The following USH2A variants were observed in gnomAD, a reference collection of about 807,000 sequenced individuals.
USH2A encodes usherin, also known as Usher syndrome 2A (autosomal recessive, mild).
USH2A carries 443 observed loss-of-function variants against 538.9 expected under a neutral mutation model. The ratio of observed to expected loss-of-function variants is 0.82; its 90% CI spans 0.76 to 0.89. The LOEUF (loss-of-function observed/expected upper bound fraction) is 0.89. USH2A is among the 40% of genes least tolerant of loss of function. USH2A has a pLI of 0.00. For missense variants in USH2A, 6,633 were observed against 6,324.8 expected, an observed-to-expected ratio of 1.05 and a Z score of -1.65; for synonymous variants, 2,413 against 2,273.5, an observed-to-expected ratio of 1.06 and a Z score of -1.75.
chr1:215,899,941 G>A, intron 40 of USH2A, 134 bp downstream of exon 40: 2 of 1,299,432 alleles, frequency 1.5e-6, no homozygotes, highest in Non-Finnish European at 2.2e-6. Context: ...TCACTCTCTT[G>A]CCCTAGAAAA....
intron 71 of USH2A, among the ~76,000 whole-genome samples, chr1:215,628,406 C>G (rs570287280): frequency 5.3e-5 from 8 of 152,190 alleles, no homozygotes; most frequent in Non-Finnish European, 1.0e-4. Context: ...CCTCAGCCCC[C>G]CTAGTAGCTG....
At chr1:216,296,866 A>G (rs960349288) in intron 9 of USH2A, among the ~76,000 whole-genome samples, 7 of 152,128 alleles carry the variant, frequency 4.6e-5, no homozygotes, top group African/African-American at 1.7e-4. Context: ...TCATAAAATC[A>G]AAAGTTAGAG....
At position 216,405,491 on chromosome 1, in the gene USH2A, T is replaced by C. The variant is rs1571787437; in HGVS notation, c.651+13023A>G. ...AAAATAAAACCACAGTGATATATTA[T>C]CTATCAGAATGGCTAAAATGTTATT... is the stretch of plus-strand genomic sequence containing the variant. On this transcript the variant is annotated intron_variant, in intron 3 of 71. Coordinates refer to ENST00000307340, the MANE Select transcript of USH2A (RefSeq NM_206933.4). Among the ~76,000 whole-genome samples the C allele has an allele frequency of 2.0e-5, 3 of 152,310 alleles. No individual in the cohort carries two copies. The East Asian group carries it at 5.8e-4, about 29-fold the overall frequency.
chr1:216,033,160 T>G (rs1287393756), intron 32 of USH2A, among the ~76,000 whole-genome samples: 1 of 152,202 alleles, frequency 6.6e-6, no homozygotes, highest in Admixed American at 6.5e-5. Context: ...TGAATCTGCA[T>G]CTGCCTGCAT....
chr1:216,325,142 T>TGGG (rs2037703390), intron 6 of USH2A, among the ~76,000 whole-genome samples, 163 bp downstream of exon 6: 1 of 152,182 alleles, frequency 6.6e-6, no homozygotes, highest in Non-Finnish European at 1.5e-5. Flanking sequence ...GATCCTCCTC[T>TGGG]GGAATCTTTA....
chr1:215,711,063 G>A (rs1236518653), intron 61 of USH2A, among the ~76,000 whole-genome samples: 2 of 152,004 alleles, frequency 1.3e-5, no homozygotes, highest in African/African-American at 4.8e-5. Flanking sequence ...TGCAATAAGA[G>A]AGATAATGTT....
chr1:215,869,055 C>T (rs1017482805), intron 43 of USH2A, among the ~76,000 whole-genome samples: 3 of 152,168 alleles, frequency 2.0e-5, no homozygotes, highest in African/African-American at 4.8e-5. Context: ...ATCCAGACAA[C>T]TAAAAAATAA....
Position 216,246,749 on chromosome 1 carries a change from C to T in USH2A, c.2645G>A (p.Cys882Tyr). The T allele has an allele frequency of 6.2e-7, 1 of 1,614,114 alleles. No homozygotes were observed. Among genetic ancestry groups the T allele is most frequent in the Non-Finnish European group, 8.5e-7 (1 of 1,179,984 alleles). The change falls in exon 13 of 72, where the codon TGT becomes TAT. Residue 882 changes from cysteine to tyrosine, a missense_variant. Transcript: ENST00000307340. ...LGVTGLRCNQCEPHRYNLTID... is the reference protein window; with the variant it reads ...LGVTGLRCNQYEPHRYNLTID... ...GGTCAAATTGTACCTGTGAGGCTCA[C>T]ACTGATTACAGCGAAGACCTGTTAC...
intron 4 of USH2A, among the ~76,000 whole-genome samples, chr1:216,350,619 G>A (rs1049987506): frequency 3.3e-5 from 5 of 152,086 alleles, no homozygotes; most frequent in African/African-American, 1.2e-4. Flanking sequence ...TTGACTCCAC[G>A]TCTCATATCC....
Position 216,217,610 on chromosome 1 carries a change from A to T in USH2A, c.2994-60T>A, listed in dbSNP as rs1367557915. Reference sequence around the variant, plus strand: ...AGTGTTTTGATTAATAATTCATAGTATAAGTTACACCTACCAATAGCATTG... The same window carrying T: ...AGTGTTTTGATTAATAATTCATAGTTTAAGTTACACCTACCAATAGCATTG... On this transcript the variant is annotated intron_variant, in intron 14 of 71. Transcript: ENST00000307340. 1.9e-6 allele frequency: 3 copies of T among 1,589,316 alleles called. No individual in the cohort carries two copies. The Admixed American group carries it at 5.1e-5, about 27-fold the overall frequency.
In USH2A at chr1:216,318,835, C is replaced by T. The variant is rs2037554231; in HGVS notation, c.1644+3048G>A. On this transcript the variant is annotated intron_variant, in intron 9 of 71. Coordinates refer to ENST00000307340, the MANE Select transcript of USH2A (RefSeq NM_206933.4). ...ACCACCTGAGACCAAGTCTGAAAAT[C>T]CCAACTTGTCTTCTGAAACCAATCA... 2.6e-5 allele frequency among the ~76,000 whole-genome samples: 4 copies of T among 152,140 alleles called. No homozygotes were observed. The South Asian group carries it at 8.3e-4, about 31-fold the overall frequency.
rs758895861 is a variant in USH2A, at chr1:215,813,940, T to C, written c.9571-36A>G. 16 of 1,608,156 alleles carry C rather than the reference T, an allele frequency of 9.9e-6. No individual in the cohort carries two copies. The Middle Eastern group carries it at 6.7e-4, about 67-fold the overall frequency. ...GAAAACAGTTTTAAAGAAATATCAG[T>C]TTAGTTAAGAGTGTTATACCACTGT... On this transcript the variant is annotated intron_variant, in intron 48 of 71. Coordinates refer to ENST00000307340, the MANE Select transcript of USH2A (RefSeq NM_206933.4).
At chr1:215,967,412 C>G (rs1023671781) in intron 36 of USH2A, among the ~76,000 whole-genome samples, 1 of 152,084 alleles carries the variant, frequency 6.6e-6, no homozygotes, top group African/African-American at 2.4e-5. Flanking sequence ...TGTGATCCAC[C>G]CACTTTGACC....
chr1:216,334,771 A>G (rs1288713930), intron 4 of USH2A, among the ~76,000 whole-genome samples: 1 of 151,924 alleles, frequency 6.6e-6, no homozygotes, highest in Non-Finnish European at 1.5e-5. Context: ...AAATAAAACA[A>G]TTATAATCAT....
chr1:216,117,841 TAC>T (rs1160066510), intron 21 of USH2A, among the ~76,000 whole-genome samples: 15 of 129,664 alleles, frequency 1.2e-4, no homozygotes, highest in East Asian at 4.0e-4. Context: ...GATATATATA[TAC>T]ACACACAGAT....
intron 3 of USH2A, among the ~76,000 whole-genome samples, chr1:216,381,751 C>T (rs1032654362): frequency 1.3e-5 from 2 of 152,088 alleles, no homozygotes; most frequent in African/African-American, 4.8e-5. Context: ...GCTACATATT[C>T]GATCAACTAA....
chr1:216,003,556 T>C (rs1668323126), intron 32 of USH2A, among the ~76,000 whole-genome samples: 1 of 151,960 alleles, frequency 6.6e-6, no homozygotes, highest in African/African-American at 2.4e-5. Flanking sequence ...GGTTGGACCA[T>C]TCCAAGAGAG....
chr1:216,385,007 G>C (rs2038982918), intron 3 of USH2A, among the ~76,000 whole-genome samples: 1 of 152,186 alleles, frequency 6.6e-6, no homozygotes. Context: ...CTGTGAGTCA[G>C]AGGTGAAATT....
chr1:215,835,210 T>G (rs6540913), intron 47 of USH2A, among the ~76,000 whole-genome samples: 97,401 of 146,396 alleles, frequency 0.67, 33,146 homozygotes, highest in African/African-American at 0.79. Flanking sequence ...AGCTTTATAG[T>G]TAGGTGAGCC....
Sources: allele counts gnomAD v4.1 joint callset (sites outside exome capture counted in the v4.1 genomes callset), GRCh38; gene constraint gnomAD v4.1.1; transcripts MANE v1.5; gene names NCBI Gene and HGNC (gene_info 2026-07-23, HGNC 2026-07-21).